ZC3H18: variants seen among roughly 807,000 people sequenced by gnomAD.
ZC3H18 encodes zinc finger CCCH domain-containing protein 18.
Under a neutral mutation model 106.1 loss-of-function variants are expected in ZC3H18, and 8 were observed. The ratio of observed to expected loss-of-function variants is 0.08; its 90% CI spans 0.04 to 0.14. The LOEUF (loss-of-function observed/expected upper bound fraction) is 0.14, where lower values mean the gene tolerates loss of function less well. Among genes scored for constraint, ZC3H18 ranks in the 10% least tolerant of loss-of-function variants. The probability of loss-of-function intolerance (pLI) is 1.00; values close to 1 mark genes in which losing one functional copy is unlikely to be tolerated. For missense variants in ZC3H18, 1,318 were observed against 1,278.4 expected, an observed-to-expected ratio of 1.03 and a Z score of -0.47; for synonymous variants, 635 against 522.1, an observed-to-expected ratio of 1.22 and a Z score of -2.95.
In ZC3H18 at chr16:88,629,198, G is replaced by A. The variant is rs1459028220; in HGVS notation, c.2566+344G>A. ...TACTAAAAATACAAAAATTAGGCCG[G>A]GCGCGGTAGCTCATGCCTGTAATCC... On this transcript the variant is annotated intron_variant, in intron 16 of 17. Transcript: ENST00000301011. 2.0e-5 allele frequency among the ~76,000 whole-genome samples: 3 copies of A among 152,324 alleles called. 1 individual carries two copies. Among genetic ancestry groups the A allele is most frequent in the East Asian group, 3.9e-4 (2 of 5,182 alleles).
At position 88,627,946 on chromosome 16, in the gene ZC3H18, A is replaced by G. The variant is rs1316918586; in HGVS notation, c.2296A>G (p.Lys766Glu). 2 of 1,614,142 alleles carry G rather than the reference A, an allele frequency of 1.2e-6. No individual in the cohort carries two copies. The highest frequency in any genetic ancestry group is 1.1e-5 in the South Asian group (1 of 91,080). The change falls in exon 15 of 18, where the codon AAA becomes GAA. Residue 766 changes from lysine to glutamate, a missense_variant. Around this residue, in one of 6 missense-constraint regions of ZC3H18, gnomAD observed 848 missense variants for 821.7 expected, o/e 1.03. Transcript: ENST00000301011. This position sits in a 1 kb window ranked among gnomAD's most constrained non-coding sequence, Gnocchi z 4.5. ...AAAATCTAAGAAAGAAGACGGTGTTAAAGAGGAAAAGCGGAAAAGGGATTC... is the reference window on the plus strand; with the variant it reads ...AAAATCTAAGAAAGAAGACGGTGTTGAAGAGGAAAAGCGGAAAAGGGATTC... ...KGKSKKEDGV[K>E]EEKRKRDSST...
At chr16:88,583,873 A>C (rs1915283844) in intron 2 of ZC3H18, among the ~76,000 whole-genome samples, 1 of 150,130 alleles carries the variant, frequency 6.7e-6, no homozygotes, top group South Asian at 2.1e-4. Flanking sequence ...TCTGCTTCCT[A>C]CTCTCTGTGG....
chr16:88,592,621 C>T (rs542498952), intron 3 of ZC3H18, among the ~76,000 whole-genome samples: 6 of 152,282 alleles, frequency 3.9e-5, no homozygotes, highest in Middle Eastern at 3.4e-3. Context: ...ATTACAGGCG[C>T]ATGCCACCAT....
intron 2 of ZC3H18, 68 bp from the exon 3 acceptor site, chr16:88,586,532 T>G (rs1915445351): frequency 2.3e-6 from 3 of 1,312,478 alleles, no homozygotes; most frequent in Non-Finnish European, 2.2e-6. Context: ...CTGCCCCTTC[T>G]GGTTTGGAGA....
rs1338983612 is a variant in ZC3H18 at position 88,628,805 on chromosome 16, C to T, written c.2517C>T (p.Asp839=). 23 of 1,614,134 alleles carry T rather than the reference C, an allele frequency of 1.4e-5. No homozygotes were observed. Among genetic ancestry groups the T allele is most frequent in the Non-Finnish European group, 1.8e-5 (21 of 1,180,002 alleles). The change falls in exon 16 of 18, where the codon GAC becomes GAT. Residue 839 remains aspartate, a synonymous_variant. Transcript: ENST00000301011. Reference sequence around the variant, plus strand: ...AGCGCTATGAACCATCAGACAAGGACAGGCAGAGCCCTCCTCCAGCCAAGC... The same window carrying T: ...AGCGCTATGAACCATCAGACAAGGATAGGCAGAGCCCTCCTCCAGCCAAGC... The part of the protein sequence containing the change: ...SRKRYEPSDK[D]RQSPPPAKRP...
At chr16:88,611,604 C>T (rs559084679) in intron 8 of ZC3H18, 68 bp downstream of exon 8, 3 of 1,506,042 alleles carry the variant, frequency 2.0e-6, no homozygotes, top group African/African-American at 1.4e-5. Context: ...ACCTAGTCCC[C>T]CTGGCCTGCG....
chr16:88,620,892 G>A (rs1489075139), intron 8 of ZC3H18, among the ~76,000 whole-genome samples: 3 of 152,170 alleles, frequency 2.0e-5, no homozygotes, highest in Non-Finnish European at 4.4e-5. Flanking sequence ...TTATAATGGA[G>A]TCTCACTCTG....
chr16:88,595,539 G>T (rs1332064473), intron 3 of ZC3H18, among the ~76,000 whole-genome samples: 1 of 146,768 alleles, frequency 6.8e-6, no homozygotes, highest in Non-Finnish European at 1.5e-5. Context: ...GGGGACGGTA[G>T]CTGACACCTG....
At chr16:88,624,242 C>CCACCCTTA in intron 11 of ZC3H18, 180 bp downstream of exon 11, 3 of 831,882 alleles carry the variant, frequency 3.6e-6, no homozygotes, top group Non-Finnish European at 5.5e-6. Context: ...TTCTCACGGG[C>CCACCCTTA]CACCCTTACA....
chr16:88,584,054 T>G (rs1915296372), intron 2 of ZC3H18, among the ~76,000 whole-genome samples: 1 of 152,240 alleles, frequency 6.6e-6, no homozygotes, highest in Non-Finnish European at 1.5e-5. Context: ...TAATTATCCA[T>G]TATTTAGTGA....
chr16:88,584,820 T>A (rs1915341691), intron 2 of ZC3H18, among the ~76,000 whole-genome samples: 1 of 152,244 alleles, frequency 6.6e-6, no homozygotes, highest in African/African-American at 2.4e-5. Context: ...GCAGAAACAA[T>A]GCTACATCTG....
rs572020015 is a variant in ZC3H18 at position 88,571,623 on chromosome 16, G to A, written c.-15+1057G>A. 8 of 985,414 alleles carry A rather than the reference G, an allele frequency of 8.1e-6. No homozygotes were observed. The East Asian group carries it at 9.1e-4, about 112-fold the overall frequency. 61.0% of individuals were successfully genotyped at this position (985,414 alleles called of 1,614,324 possible). The stretch of plus-strand genomic sequence containing the variant: ...TCCTCTCCCGTTGTAGGTGGGACAT[G>A]CTGAAATATTGTAAGAAAGCTTTGT... On this transcript the variant is annotated intron_variant, in intron 1 of 17. Transcript: ENST00000301011.
intron 10 of ZC3H18, 43 bp downstream of exon 10, chr16:88,623,387 G>C (rs761984915): frequency 3.1e-6 from 5 of 1,602,192 alleles, no homozygotes; most frequent in Non-Finnish European, 3.4e-6. Flanking sequence ...CAGGTGCAGT[G>C]AGCAAGGGCA....
At chr16:88,576,828 A>C (rs1914782154) in intron 1 of ZC3H18, among the ~76,000 whole-genome samples, 1 of 152,164 alleles carries the variant, frequency 6.6e-6, no homozygotes. Context: ...GCTGCCCTTG[A>C]GCGGGGAAGG....
In ZC3H18 at chr16:88,628,787, T is replaced by C. The variant is rs751376056; in HGVS notation, c.2499T>C (p.Tyr833=). Residue 833 remains tyrosine (Y), a synonymous_variant, in exon 16 of 18, where the codon TAT becomes TAC. Transcript: ENST00000301011. ...KAADKGSRKR[Y]EPSDKDRQSP... Reference sequence around the variant, plus strand: ...CTGATAAAGGAAGCAGGAAGCGCTATGAACCATCAGACAAGGACAGGCAGA... The same window carrying C: ...CTGATAAAGGAAGCAGGAAGCGCTACGAACCATCAGACAAGGACAGGCAGA... The C allele has an allele frequency of 4.3e-6, 7 of 1,613,928 alleles. No homozygotes were observed. The highest frequency in any genetic ancestry group is 1.7e-6 in the Non-Finnish European group (2 of 1,179,954).
intron 3 of ZC3H18, among the ~76,000 whole-genome samples, chr16:88,591,320 C>A (rs1915739308): frequency 6.7e-6 from 1 of 150,224 alleles, no homozygotes; most frequent in African/African-American, 2.4e-5. Context: ...TGCCTGTAAT[C>A]ATAGCACTTT....
chr16:88,591,572 C>CAA (rs925298282), intron 3 of ZC3H18, among the ~76,000 whole-genome samples: 13 of 113,480 alleles, frequency 1.1e-4, no homozygotes, highest in Admixed American at 4.5e-4. Context: ...ACTCCGTCTC[C>CAA]AAAAAAAAAA....
intron 16 of ZC3H18, 70 bp downstream of exon 16, chr16:88,628,924 G>C (rs4782306): frequency 0.94 from 1,453,261 of 1,550,846 alleles, 682,434 homozygotes; most frequent in Admixed American, 0.96. Context: ...AGCTGGGTCT[G>C]AGACCCCATT....
chr16:88,600,629 T>G (rs1448321980), intron 6 of ZC3H18, among the ~76,000 whole-genome samples: 1 of 152,182 alleles, frequency 6.6e-6, no homozygotes, highest in Non-Finnish European at 1.5e-5. Context: ...GCCAGGATGG[T>G]CTCGAACTCC....
Sources: allele counts gnomAD v4.1 joint callset (sites outside exome capture counted in the v4.1 genomes callset), GRCh38; gene constraint gnomAD v4.1.1; regional missense constraint gnomAD v4.1.1; non-coding constraint Gnocchi (gnomAD v3.1); transcripts MANE v1.5; gene names NCBI Gene and HGNC (gene_info 2026-07-23, HGNC 2026-07-21).